SMARCAD1: variants seen among roughly 807,000 people sequenced by gnomAD.
SMARCAD1 encodes SWI/SNF-related matrix-associated actin-dependent regulator of chromatin subfamily A containing DEAD/H box 1.
Under a neutral mutation model 127.1 loss-of-function variants are expected in SMARCAD1, and 25 were observed. The observed-to-expected ratio is 0.20, with a 90% CI of 0.14 to 0.27. SMARCAD1 has a LOEUF of 0.27. Ranked by LOEUF, SMARCAD1 falls within the 10% of genes least tolerant of loss-of-function variation. The pLI is 1.00. For synonymous variants in SMARCAD1, 400 were observed against 396.9 expected (o/e 1.01, Z -0.09); for missense variants, 807 against 1,206.0 (o/e 0.67, Z 4.90).
rs1747479908 is a variant in SMARCAD1 at position 94,240,888 on chromosome 4, G to A, written c.605-18G>A. 1 of 1,591,552 alleles carries A rather than the reference G, an allele frequency of 6.3e-7. No homozygotes were observed. The highest frequency in any genetic ancestry group is 1.3e-5 in the African/African-American group (1 of 74,412). On this transcript the variant is annotated intron_variant, in intron 5 of 23. Coordinates refer to ENST00000354268, the MANE Select transcript of SMARCAD1 (RefSeq NM_020159.5). ...CTATTTCTGTGCAAAGTTTGAGTGT[G>A]CTGCTCTGCTTTAAAAGGTGGTGGG...
rs771786434 is a variant in SMARCAD1 at position 94,290,614 on chromosome 4, A to C, written c.*1080A>C. 1 of 454,422 alleles carries C rather than the reference A, an allele frequency of 2.2e-6. No homozygotes were observed. The highest frequency in any genetic ancestry group is 1.6e-5 in the South Asian group (1 of 64,438). The allele number at this position is 454,422 out of a possible 1,614,324, so 28.1% of individuals were successfully genotyped here. ...GAAGAGAGAGCCATTGTTCAATTCC[A>C]ATTCAGTGTGAGTGACAAAGTGAAA... On this transcript the variant is annotated 3_prime_UTR_variant, in exon 24 of 24. Coordinates refer to ENST00000354268, the MANE Select transcript of SMARCAD1 (RefSeq NM_020159.5).
chr4:94,223,590 CAG>C (rs1486033929), intron 2 of SMARCAD1, among the ~76,000 whole-genome samples: 14 of 149,816 alleles, frequency 9.3e-5, no homozygotes, highest in African/African-American at 3.4e-4. Flanking sequence ...TTTTTGGAGA[CAG>C]AGTTAAGCTT....
At chr4:94,287,100 G>A (rs983179839) in intron 23 of SMARCAD1, among the ~76,000 whole-genome samples, 10 of 151,990 alleles carry the variant, frequency 6.6e-5, no homozygotes, top group African/African-American at 2.4e-4. Flanking sequence ...TCCTGACCTC[G>A]TGAGCCACCG....
chr4:94,273,762 T>C, intron 12 of SMARCAD1, 46 bp downstream of exon 12: 1 of 1,465,508 alleles, frequency 6.8e-7, no homozygotes, highest in Non-Finnish European at 9.5e-7. Context: ...TCATGTTTTA[T>C]ATAGGTAGAA....
chr4:94,262,904 A>G lies in SMARCAD1; in HGVS notation c.1282-1803A>G, dbSNP rs796728304. Among the ~76,000 whole-genome samples the G allele has an allele frequency of 5.0e-3, 484 of 97,084 alleles. 3 individuals carry two copies. Among genetic ancestry groups the G allele is most frequent in the East Asian group, 8.0e-3 (13 of 1,632 alleles). The allele number at this position is 97,084 out of a possible 152,430, so 63.7% of individuals were successfully genotyped here. On this transcript the variant is annotated intron_variant, in intron 9 of 23. Coordinates refer to ENST00000354268, the MANE Select transcript of SMARCAD1 (RefSeq NM_020159.5). ...TAATTTCTGTTAAAAAAAAAAAAAA[A>G]AAAGAAAGAAAAGAAATGGTAGTTG...
intron 23 of SMARCAD1, among the ~76,000 whole-genome samples, chr4:94,285,508 GTTAAA>G (rs1310738591): frequency 2.6e-5 from 4 of 152,166 alleles, no homozygotes; most frequent in South Asian, 2.1e-4. Flanking sequence ...CTTATTTAAT[GTTAAA>G]TTAATTGGAA....
chr4:94,216,009 A>G lies in SMARCAD1; in HGVS notation c.190+7425A>G, dbSNP rs145566308. Among the ~76,000 whole-genome samples the G allele has an allele frequency of 7.7e-4, 117 of 152,284 alleles. 1 individual carries two copies. The Middle Eastern group carries it at 0.014, about 18-fold the overall frequency. ...CCATGAACCGGGTAGCTTATAAGCA[A>G]TAGAAATCTACTCTTGGCAATTCTG... On this transcript the variant is annotated intron_variant, in intron 2 of 23. Transcript: ENST00000354268.
intron 16 of SMARCAD1, 144 bp from the exon 17 acceptor site, chr4:94,278,278 T>G (rs960617525): frequency 2.8e-6 from 2 of 717,596 alleles, no homozygotes; most frequent in Admixed American, 2.5e-5. Context: ...AATTCAGATG[T>G]GAAGTGCCAT....
intron 4 of SMARCAD1, among the ~76,000 whole-genome samples, chr4:94,234,616 A>G (rs1440607805): frequency 1.3e-5 from 2 of 152,240 alleles, no homozygotes; most frequent in African/African-American, 4.8e-5. Context: ...GTTGAAATGT[A>G]AAGTGATGTT....
intron 1 of SMARCAD1, 105 bp downstream of exon 1, chr4:94,208,175 AC>A (rs1333831182): frequency 1.5e-6 from 1 of 689,398 alleles, no homozygotes; most frequent in Non-Finnish European, 2.6e-6. Context: ...TTTAAAAGAT[AC>A]CCCCGTCCAC....
At chr4:94,271,962 A>G (rs189954449) in intron 11 of SMARCAD1, among the ~76,000 whole-genome samples, 224 of 152,226 alleles carry the variant, frequency 1.5e-3, no homozygotes, top group African/African-American at 5.2e-3. Flanking sequence ...TAGCATTGCC[A>G]TAACAAAATA....
chr4:94,250,739 G>T lies in SMARCAD1; in HGVS notation c.808-13G>T. The T allele has an allele frequency of 6.4e-7, 1 of 1,565,856 alleles. No homozygotes were observed. The highest frequency in any genetic ancestry group is 1.2e-5 in the South Asian group (1 of 83,306). On this transcript the variant is annotated splice_polypyrimidine_tract_variant and intron_variant, in intron 7 of 23. Transcript: ENST00000354268. ...TGAGATTTTTAACAAAAAGATAAATGACTTATTTCTAGGAACTTAGAGAAG... is the reference window on the plus strand; with the variant it reads ...TGAGATTTTTAACAAAAAGATAAATTACTTATTTCTAGGAACTTAGAGAAG...
intron 4 of SMARCAD1, among the ~76,000 whole-genome samples, chr4:94,235,306 TTG>T (rs1463980950): frequency 3.3e-5 from 5 of 150,166 alleles, no homozygotes; most frequent in African/African-American, 1.2e-4. Flanking sequence ...ATGTGATATT[TTG>T]TGACTGGCTG....
At chr4:94,223,734 ATTTT>A (rs944591007) in intron 2 of SMARCAD1, among the ~76,000 whole-genome samples, 1 of 100,154 alleles carries the variant, frequency 1.0e-5, no homozygotes. Context: ...CTCCCGGCTA[ATTTT>A]TTTTTTTTTT....
intron 7 of SMARCAD1, 121 bp from the exon 8 acceptor site, chr4:94,250,631 A>C (rs1464384114): frequency 1.6e-6 from 1 of 630,536 alleles, no homozygotes; most frequent in East Asian, 2.8e-5. Context: ...AACAAGTGCA[A>C]AATAATCAGA....
intron 2 of SMARCAD1, among the ~76,000 whole-genome samples, chr4:94,223,934 AATTGAC>A (rs1744594866): frequency 6.6e-6 from 1 of 151,978 alleles, no homozygotes; most frequent in African/African-American, 2.4e-5. Flanking sequence ...TAAAGTGTTC[AATTGAC>A]AGGCATTAGC....
intron 9 of SMARCAD1, chr4:94,253,484 A>G (rs2125919360): frequency 8.8e-7 from 1 of 1,135,200 alleles, no homozygotes; most frequent in Non-Finnish European, 1.1e-6. Context: ...TCACCACAAA[A>G]GAAGCAATTG....
At chr4:94,276,550 TAGC>T in intron 15 of SMARCAD1, 76 bp downstream of exon 15, 1 of 1,522,340 alleles carries the variant, frequency 6.6e-7, no homozygotes, top group South Asian at 1.2e-5. Context: ...TAGTATTTAT[TAGC>T]AGAATCTGTA....
intron 6 of SMARCAD1, among the ~76,000 whole-genome samples, chr4:94,244,334 G>A (rs895366040): frequency 6.6e-6 from 1 of 152,166 alleles, no homozygotes; most frequent in Non-Finnish European, 1.5e-5. Context: ...CTAAGCCTTT[G>A]GCTGTCAGAC....
Sources: allele counts gnomAD v4.1 joint callset (sites outside exome capture counted in the v4.1 genomes callset), GRCh38; gene constraint gnomAD v4.1.1; transcripts MANE v1.5; gene names NCBI Gene and HGNC (gene_info 2026-07-23, HGNC 2026-07-21).